The following MAF variants were observed in gnomAD, a reference collection of about 807,000 sequenced individuals.
MAF encodes the protein MAF bZIP transcription factor.
Under a neutral mutation model 22.0 loss-of-function variants are expected in MAF, and 10 were observed. The ratio of observed to expected loss-of-function variants is 0.45; its 90% CI spans 0.28 to 0.77. The LOEUF is 0.77. Among genes scored for constraint, MAF ranks in the 30% least tolerant of loss-of-function variants. MAF has a pLI of 0.12. For missense variants in MAF, 544 were observed against 548.4 expected, an observed-to-expected ratio of 0.99 and a Z score of 0.08; for synonymous variants, 337 against 255.8, an observed-to-expected ratio of 1.32 and a Z score of -3.03.
the MAF span, chr16:79,211,789 C>A: frequency 0.018 from 29,479 of 1,614,074 alleles, 306 homozygotes; most frequent in Non-Finnish European, 0.022. Context: ...GGCAGCCAGT[C>A]CGGCTAAGTG....
At chr16:79,438,235 T>C in the MAF span, among the ~76,000 whole-genome samples, 1 of 152,168 alleles carries the variant, frequency 6.6e-6, no homozygotes, top group Non-Finnish European at 1.5e-5. Flanking sequence ...CCGCAGATTA[T>C]GTGGTTCCTG....
the MAF span, among the ~76,000 whole-genome samples, chr16:79,348,156 C>G: frequency 2.6e-5 from 4 of 152,338 alleles, no homozygotes; most frequent in South Asian, 6.2e-4. Flanking sequence ...GGCCAAACGG[C>G]CTCAGAGGGG....
the MAF span, among the ~76,000 whole-genome samples, chr16:79,311,121 T>C: frequency 7.2e-5 from 11 of 152,102 alleles, 1 homozygote; most frequent in South Asian, 1.7e-3. Context: ...CCTGGATTTC[T>C]ACCTGGGTTC....
the MAF span, among the ~76,000 whole-genome samples, chr16:79,334,259 C>T: frequency 6.6e-6 from 1 of 152,152 alleles, no homozygotes; most frequent in Admixed American, 6.5e-5. Flanking sequence ...GACTATTGCA[C>T]AGCGACGGCA....
At chr16:79,378,012 C>T in the MAF span, among the ~76,000 whole-genome samples, 2 of 152,138 alleles carry the variant, frequency 1.3e-5, no homozygotes, top group Admixed American at 1.3e-4. Context: ...GTGATGAGGG[C>T]TCTTTTTTGG....
the MAF span, among the ~76,000 whole-genome samples, chr16:79,255,065 T>C: frequency 1.3e-5 from 2 of 152,142 alleles, no homozygotes; most frequent in African/African-American, 4.8e-5. Flanking sequence ...ACCGGTGCAG[T>C]TTTATGTCTC....
At chr16:79,591,124 C>T (rs543774899), downstream of MAF, among the ~76,000 whole-genome samples, 2 of 152,124 alleles carry the variant, frequency 1.3e-5, no homozygotes, top group Non-Finnish European at 2.9e-5. Context: ...TTCTCCTGTT[C>T]CCTAACGGAA....
chr16:79,266,845 C>G, the MAF span, among the ~76,000 whole-genome samples: 1 of 152,158 alleles, frequency 6.6e-6, no homozygotes, highest in Non-Finnish European at 1.5e-5. Context: ...AGGTACCAAC[C>G]AGTAATGCTC....
chr16:79,290,386 G>A, the MAF span, among the ~76,000 whole-genome samples: 1 of 152,124 alleles, frequency 6.6e-6, no homozygotes, highest in African/African-American at 2.4e-5. Context: ...ATGGGTCATC[G>A]AGTCAATGCC....
chr16:79,212,100 A>G, the MAF span: 1 of 1,535,966 alleles, frequency 6.5e-7, no homozygotes, highest in South Asian at 1.2e-5. Flanking sequence ...AAGCACCAGC[A>G]ATTCTCTTTC....
the MAF span, among the ~76,000 whole-genome samples, chr16:79,260,257 C>T: frequency 7.9e-5 from 12 of 152,118 alleles, no homozygotes; most frequent in East Asian, 1.9e-4. Flanking sequence ...CTCAAGTGAT[C>T]CTCTTGCCTC....
At chr16:79,568,469 C>T in the MAF span, among the ~76,000 whole-genome samples, 15 of 152,310 alleles carry the variant, frequency 9.8e-5, no homozygotes, top group Admixed American at 4.6e-4. Context: ...GTAGGTGAGT[C>T]TGAAGGTCTT....
At chr16:79,439,553 G>A in the MAF span, among the ~76,000 whole-genome samples, 6 of 152,052 alleles carry the variant, frequency 3.9e-5, no homozygotes, top group African/African-American at 9.7e-5. Context: ...AGCCACCAGC[G>A]CCTGGCCAGC....
the MAF span, among the ~76,000 whole-genome samples, chr16:79,279,757 A>C: frequency 6.6e-6 from 1 of 152,062 alleles, no homozygotes; most frequent in Non-Finnish European, 1.5e-5. Context: ...ATTCGAGCAG[A>C]GCTGCTGCTG....
At chr16:79,231,089 GA>G in the MAF span, among the ~76,000 whole-genome samples, 10 of 151,992 alleles carry the variant, frequency 6.6e-5, no homozygotes, top group African/African-American at 2.2e-4. Flanking sequence ...TTTGCCCCAG[GA>G]AAAATGGAGT....
At chr16:79,334,967 A>G in the MAF span, among the ~76,000 whole-genome samples, 4 of 151,716 alleles carry the variant, frequency 2.6e-5, no homozygotes, top group Non-Finnish European at 4.4e-5. Flanking sequence ...CGGGCAGATC[A>G]CCAGGTCAGG....
chr16:79,380,212 C>G, the MAF span, among the ~76,000 whole-genome samples: 3 of 152,184 alleles, frequency 2.0e-5, no homozygotes, highest in African/African-American at 7.2e-5. Flanking sequence ...TCCAGCAGAC[C>G]TTCACTTGAG....
the MAF span, among the ~76,000 whole-genome samples, chr16:79,507,114 C>CTTTT: frequency 8.7e-5 from 10 of 115,214 alleles, no homozygotes; most frequent in African/African-American, 3.1e-4. Context: ...TTTTCTGCGT[C>CTTTT]TTTTTTTTTT....
At chr16:79,341,046 C>T in the MAF span, among the ~76,000 whole-genome samples, 6 of 152,090 alleles carry the variant, frequency 3.9e-5, no homozygotes, top group African/African-American at 1.4e-4. Flanking sequence ...GACAAAGGGA[C>T]CAAGGCCTGC....
Sources: gnomAD v4.1 joint callset for allele counts (sites outside exome capture counted in the v4.1 genomes callset) on GRCh38, gnomAD v4.1.1 for gene constraint, MANE v1.5 for transcripts, NCBI Gene and HGNC (gene_info 2026-07-23, HGNC 2026-07-21) for gene names.